Variants in SSBP3 observed in about 807,000 individuals in gnomAD.
SSBP3 encodes single stranded DNA binding protein 3.
Under a neutral mutation model 69.6 loss-of-function variants are expected in SSBP3, and 5 were observed. The observed-to-expected ratio is 0.07, with a 90% confidence interval of 0.04 to 0.15. SSBP3 has a LOEUF of 0.15. Among genes scored for constraint, SSBP3 ranks in the 10% least tolerant of loss-of-function variants. The pLI, the probability that SSBP3 is intolerant of heterozygous loss-of-function variation, is 1.00. For missense variants in SSBP3, 312 were observed against 534.0 expected (o/e 0.58, Z 4.10); for synonymous variants, 196 against 193.4 (o/e 1.01, Z -0.11).
chr1:54,406,097 G>T (rs936957896), exon 1 of SSBP3: 1 of 1,099,254 alleles, frequency 9.1e-7, no homozygotes, highest in East Asian at 3.5e-5. Flanking sequence ...CCTCGCTCCC[G>T]GCCCCCTCCC....
At chr1:54,397,058 G>A (rs1187873746) in intron 4 of SSBP3, among the ~76,000 whole-genome samples, 1 of 152,228 alleles carries the variant, frequency 6.6e-6, no homozygotes, top group African/African-American at 2.4e-5. Flanking sequence ...AAGGGGAATG[G>A]GGGAGAGGGG....
chr1:54,239,213 G>A lies in SSBP3; in HGVS notation c.857-14C>T. ...AATTTGTTGAATCTGTAGAACAGTG[G>A]AAACCCACAAGTCGGGGTGATTAAT... is the stretch of plus-strand genomic sequence containing the variant. On this transcript the variant is annotated splice_polypyrimidine_tract_variant and intron_variant, in intron 13 of 17. Transcript: ENST00000610401. 1 of 1,597,826 alleles carries A rather than the reference G, an allele frequency of 6.3e-7. No homozygotes were observed. Among genetic ancestry groups the A allele is most frequent in the Non-Finnish European group, 8.5e-7 (1 of 1,171,538 alleles).
chr1:54,291,859 T>C (rs1645614300), intron 4 of SSBP3, among the ~76,000 whole-genome samples: 1 of 152,236 alleles, frequency 6.6e-6, no homozygotes, highest in African/African-American at 2.4e-5. Context: ...ATAGCATAGA[T>C]GGTTCTCCTG....
chr1:54,244,516 G>A (rs1274140100), intron 9 of SSBP3, among the ~76,000 whole-genome samples: 1 of 152,182 alleles, frequency 6.6e-6, no homozygotes, highest in East Asian at 1.9e-4. Flanking sequence ...GAAAGTATCA[G>A]GATTACAGGC....
At position 54,251,742 on chromosome 1, in the gene SSBP3, G is replaced by A. The variant is rs771875438; in HGVS notation, c.575-50C>T. On this transcript the variant is annotated intron_variant, in intron 8 of 17. Transcript: ENST00000610401. ...TGGGATGGCAGGAGTGGAGGGAGGA[G>A]GAGCCCCTCCTGGCATCCCCAGCCA... is the stretch of plus-strand genomic sequence containing the variant. 2.5e-6 allele frequency: 4 copies of A among 1,591,278 alleles called. No homozygotes were observed. The East Asian group carries it at 9.0e-5, about 36-fold the overall frequency.
intron 4 of SSBP3, among the ~76,000 whole-genome samples, chr1:54,368,812 GCCTGGGGGC>G (rs1208261327): frequency 6.6e-6 from 1 of 152,200 alleles, no homozygotes; most frequent in African/African-American, 2.4e-5. Flanking sequence ...TGGCAGGGAG[GCCTGGGGGC>G]CCCCGTGGCT....
At chr1:54,265,686 G>A (rs1645089558) in intron 5 of SSBP3, among the ~76,000 whole-genome samples, 1 of 152,194 alleles carries the variant, frequency 6.6e-6, no homozygotes, top group South Asian at 2.1e-4. Flanking sequence ...AGAGAAAGCA[G>A]GAATGTACTG....
Position 54,243,987 on chromosome 1 carries a change from T to C in SSBP3, c.652-688A>G, listed in dbSNP as rs529825013. Among the ~76,000 whole-genome samples, 14 of 152,268 alleles carry C rather than the reference T, an allele frequency of 9.2e-5. No individual in the cohort carries two copies. The South Asian group carries it at 2.5e-3, about 27-fold the overall frequency. ...CTCTGTTGCCTAGGCTAGAGTGCAG[T>C]AGTGCAATCATAACTCACTGCAGCC... On this transcript the variant is annotated intron_variant, in intron 9 of 17. Transcript: ENST00000610401.
chr1:54,350,580 G>T (rs1430729240), intron 4 of SSBP3, among the ~76,000 whole-genome samples: 1 of 152,318 alleles, frequency 6.6e-6, no homozygotes, highest in East Asian at 1.9e-4. Flanking sequence ...CCCGGGTTTG[G>T]CTGAGGAGCT....
At chr1:54,276,535 C>A (rs760848325) in intron 5 of SSBP3, among the ~76,000 whole-genome samples, 19 of 136,162 alleles carry the variant, frequency 1.4e-4, no homozygotes, top group Non-Finnish European at 2.7e-4. Flanking sequence ...CACTTGAACC[C>A]GGGAGGCGGA....
At position 54,362,743 on chromosome 1, in the gene SSBP3, C is replaced by T. The variant is rs148669753; in HGVS notation, c.276+39118G>A. 2.0e-3 allele frequency among the ~76,000 whole-genome samples: 310 copies of T among 152,292 alleles called. 1 individual carries two copies. The highest frequency in any genetic ancestry group is 7.2e-3 in the African/African-American group (298 of 41,558). On this transcript the variant is annotated intron_variant, in intron 4 of 17. Coordinates refer to ENST00000610401, the Ensembl canonical transcript of SSBP3. ...TTTTATTCATGTAAGTTCTAGTTTA[C>T]CTTCTTAAGCTGTCTAAACATTTGT... is the stretch of plus-strand genomic sequence containing the variant.
chr1:54,241,436 G>A (rs768802636), intron 12 of SSBP3, 38 bp downstream of exon 12: 53 of 1,611,498 alleles, frequency 3.3e-5, no homozygotes, highest in East Asian at 4.5e-5. Flanking sequence ...TCAGTCCCAC[G>A]TGGCTAGACA....
intron 4 of SSBP3, among the ~76,000 whole-genome samples, chr1:54,385,586 C>T (rs530740611): frequency 6.6e-6 from 1 of 152,196 alleles, no homozygotes; most frequent in Non-Finnish European, 1.5e-5. Flanking sequence ...CCCCAGTCCA[C>T]CATTCATAAA....
intron 4 of SSBP3, among the ~76,000 whole-genome samples, chr1:54,344,537 G>A (rs186303420): frequency 6.6e-6 from 1 of 152,258 alleles, no homozygotes; most frequent in East Asian, 1.9e-4. Flanking sequence ...CATAAAGATG[G>A]GCTCTGCTTC....
intron 4 of SSBP3, among the ~76,000 whole-genome samples, chr1:54,396,301 A>G (rs1648882233): frequency 6.6e-6 from 1 of 152,052 alleles, no homozygotes; most frequent in Non-Finnish European, 1.5e-5. Flanking sequence ...CATGTATTAA[A>G]GAAGTTTATG....
chr1:54,243,498 G>A (rs1211669942), intron 9 of SSBP3, among the ~76,000 whole-genome samples, 199 bp from the exon 10 acceptor site: 6 of 152,208 alleles, frequency 3.9e-5, no homozygotes. Context: ...CCAGCACAGA[G>A]GGACAGTCAC....
At chr1:54,240,047 G>GTGTGTGTGTGTGTGTGTGT (rs1553123140) in intron 13 of SSBP3, among the ~76,000 whole-genome samples, 3 of 77,792 alleles carry the variant, frequency 3.9e-5, no homozygotes, top group African/African-American at 1.1e-4. Flanking sequence ...ATTGTGATGG[G>GTGTGTGTGTGTGTGTGTGT]GTGTGTGTGT....
Position 54,352,457 on chromosome 1 carries a change from A to T in SSBP3, c.276+49404T>A, listed in dbSNP as rs1245928213. On this transcript the variant is annotated intron_variant, in intron 4 of 17. Transcript: ENST00000610401. ...ACCCCTGAGGAACCTTCTGTCAGAA[A>T]CGGTCCCCACTGGGTCATCCCACTT... Among the ~76,000 whole-genome samples the T allele has an allele frequency of 4.6e-5, 7 of 152,304 alleles. No individual in the cohort carries two copies. In the East Asian group the frequency reaches 7.7e-4, roughly 17 times the overall value.
intron 4 of SSBP3, among the ~76,000 whole-genome samples, chr1:54,345,551 G>A (rs188239954): frequency 6.4e-4 from 98 of 152,204 alleles, no homozygotes; most frequent in African/African-American, 2.1e-3. Flanking sequence ...AAAGCCTTCC[G>A]CATTTCAAAG....
Sources: allele counts gnomAD v4.1 joint callset (sites outside exome capture counted in the v4.1 genomes callset), GRCh38; gene constraint gnomAD v4.1.1; transcripts MANE v1.5; gene names NCBI Gene and HGNC (gene_info 2026-07-23, HGNC 2026-07-21).